NLRC3: variants seen among roughly 807,000 people sequenced by gnomAD.
NLRC3 encodes the protein NLR family CARD domain-containing protein 3.
NLRC3 carries 87 observed loss-of-function variants against 91.6 expected under a neutral mutation model. That is an observed-to-expected ratio of 0.95 (90% CI 0.80 to 1.14). The LOEUF is 1.14. NLRC3 is among the 50% of genes most tolerant of loss of function. The pLI is 0.00. For synonymous variants in NLRC3, 694 were observed against 625.3 expected, an observed-to-expected ratio of 1.11 and a Z score of -1.64; for missense variants, 1,577 against 1,418.6, an observed-to-expected ratio of 1.11 and a Z score of -1.79.
intron 9 of NLRC3, among the ~76,000 whole-genome samples, chr16:3,553,102 G>A (rs1416112630): frequency 6.6e-6 from 1 of 152,142 alleles, no homozygotes; most frequent in African/African-American, 2.4e-5. Flanking sequence ...CCTGTGTGAG[G>A]CTAAATACAA....
chr16:3,556,194 G>T (rs2039311073), intron 8 of NLRC3, among the ~76,000 whole-genome samples: 1 of 150,116 alleles, frequency 6.7e-6, no homozygotes, highest in Non-Finnish European at 1.5e-5. Context: ...AGCCAGGCGT[G>T]GTGGCAGGAG....
chr16:3,542,047 G>T, intron 19 of NLRC3, 132 bp from the exon 20 acceptor site: 1 of 800,894 alleles, frequency 1.2e-6, no homozygotes, highest in Non-Finnish European at 2.1e-6. Context: ...CATGGACAAG[G>T]CTCAGGGTAC....
In NLRC3 at chr16:3,577,365, T is replaced by G. The variant is rs112578542; in HGVS notation, c.-385A>C. The G allele has an allele frequency of 2.3e-3, 1,365 of 583,684 alleles. 26 individuals carry two copies. The highest frequency in any genetic ancestry group is 0.021 in the African/African-American group (1,132 of 52,674). The allele number at this position is 583,684 out of a possible 1,614,324, so 36.2% of individuals were successfully genotyped here. A position where few individuals can be genotyped will look rare whatever the true frequency, so the allele number is the denominator to read the frequency against. ...CGAGAGCAGTGCAGCCCCGACCTTC[T>G]GCAGCCCCACCGAGCCCACCGGCTG... On this transcript the variant is annotated 5_prime_UTR_variant, in exon 1 of 20. Transcript: ENST00000359128.
intron 10 of NLRC3, among the ~76,000 whole-genome samples, chr16:3,550,698 A>G (rs1345188676): frequency 6.6e-6 from 1 of 152,198 alleles, no homozygotes; most frequent in Non-Finnish European, 1.5e-5. Context: ...AAATCAGGAT[A>G]GCAAAGTCCC....
intron 17 of NLRC3, 53 bp downstream of exon 17, chr16:3,543,372 A>AATTCATTTGTCCCCATATCT: frequency 1.6e-6 from 2 of 1,228,862 alleles, no homozygotes; most frequent in East Asian, 4.8e-5. Context: ...ATTCATTGAG[A>AATTCATTTGTCCCCATATCT]ATTCATTGAT....
In NLRC3 at chr16:3,564,561, G is replaced by A. The variant is rs781513926; in HGVS notation, c.376C>T (p.Arg126Trp). 1.3e-5 allele frequency: 21 copies of A among 1,611,818 alleles called. No homozygotes were observed. Among genetic ancestry groups the A allele is most frequent in the Middle Eastern group, 1.7e-4 (1 of 6,058 alleles). ...ACCCGGGAGAGAGGCAGGAAGAGCCGGTCCAGGGCGACGGTCCTGGCGGGG... is the reference window on the plus strand; with the variant it reads ...ACCCGGGAGAGAGGCAGGAAGAGCCAGTCCAGGGCGACGGTCCTGGCGGGG... ...GHPARTVALD[R>W]LFLPLSRVSV... Residue 126 changes from arginine (R) to tryptophan (W), a missense_variant, in exon 5 of 20, where the codon CGG (arginine) becomes TGG (tryptophan). Transcript: ENST00000359128. The surrounding 1 kb of genome is among the most constrained non-coding windows in gnomAD (Gnocchi z 5.9).
In NLRC3 at chr16:3,577,226, A is replaced by T. The variant is rs2040341012; in HGVS notation, c.-246T>A. 1 of 702,734 alleles carries T rather than the reference A, an allele frequency of 1.4e-6. No individual in the cohort carries two copies. The highest frequency in any genetic ancestry group is 2.6e-6 in the Non-Finnish European group (1 of 384,866). The allele number at this position is 702,734 out of a possible 1,614,324, so 43.5% of individuals were successfully genotyped here. ...CGTCCATCTCCATGCTCCTGGGCTC[A>T]GCCCTGCTCCAGCTGCGTGGTGGTA... On this transcript the variant is annotated 5_prime_UTR_variant, in exon 1 of 20. Coordinates refer to ENST00000359128, the MANE Select transcript of NLRC3 (RefSeq NM_178844.4).
chr16:3,568,564 ATAAAAAT>A (rs1314401116), intron 1 of NLRC3, among the ~76,000 whole-genome samples: 1 of 152,194 alleles, frequency 6.6e-6, no homozygotes, highest in Admixed American at 6.5e-5. Flanking sequence ...GCTCTACAAA[ATAAAAAT>A]TAAAAATTAG....
chr16:3,551,172 C>G lies in NLRC3; in HGVS notation c.2352-675G>C, dbSNP rs550551909. ...ACCTATTCTCCACTAATTCATTCAG[C>G]CATGCCTCCATCCACTCATCTACCC... On this transcript the variant is annotated intron_variant, in intron 10 of 19. Transcript: ENST00000359128. Among the ~76,000 whole-genome samples the G allele has an allele frequency of 6.6e-5, 10 of 150,608 alleles. No homozygotes were observed. In the East Asian group the frequency reaches 2.0e-3, roughly 30 times the overall value.
chr16:3,573,664 G>A (rs1273836348), intron 1 of NLRC3, among the ~76,000 whole-genome samples: 2 of 152,186 alleles, frequency 1.3e-5, no homozygotes, highest in East Asian at 1.9e-4. Flanking sequence ...GAGGATGAGA[G>A]GACTGCGTGG....
intron 1 of NLRC3, among the ~76,000 whole-genome samples, chr16:3,571,922 A>G (rs2040111631): frequency 6.6e-6 from 1 of 151,818 alleles, no homozygotes; most frequent in Non-Finnish European, 1.5e-5. Flanking sequence ...CCTGGGTGAC[A>G]GAGCGAGACT....
chr16:3,575,202 A>G (rs1189657924), intron 1 of NLRC3, among the ~76,000 whole-genome samples: 2 of 152,160 alleles, frequency 1.3e-5, no homozygotes, highest in Admixed American at 1.3e-4. Flanking sequence ...GAGGGGGTGC[A>G]GGTGAACCAA....
At chr16:3,561,461 G>T (rs1034634756) in intron 6 of NLRC3, among the ~76,000 whole-genome samples, 15 of 152,194 alleles carry the variant, frequency 9.9e-5, no homozygotes, top group African/African-American at 3.1e-4. Context: ...GGAAACACCT[G>T]CCTGTGCACA....
At chr16:3,550,323 C>A in intron 11 of NLRC3, 91 bp downstream of exon 11, 3 of 800,060 alleles carry the variant, frequency 3.7e-6, no homozygotes, top group Non-Finnish European at 6.4e-6. Flanking sequence ...GGGAAATGGC[C>A]CTGGGGGACA....
chr16:3,560,642 T>C (rs2039565369), intron 6 of NLRC3, among the ~76,000 whole-genome samples: 1 of 152,140 alleles, frequency 6.6e-6, no homozygotes, highest in Admixed American at 6.5e-5. Context: ...AAGGTTTTTT[T>C]GTTTGTTTTG....
chr16:3,573,420 C>G (rs764001858), intron 1 of NLRC3, among the ~76,000 whole-genome samples: 1 of 152,212 alleles, frequency 6.6e-6, no homozygotes, highest in Non-Finnish European at 1.5e-5. Flanking sequence ...GAGCAAGACC[C>G]TGTCTCACAC....
rs1362643563 is a variant in NLRC3, at chr16:3,563,302, C to T, written c.1635G>A (p.Gln545=). 1 of 1,601,166 alleles carries T rather than the reference C, an allele frequency of 6.2e-7. No homozygotes were observed. The highest frequency in any genetic ancestry group is 1.1e-5 in the South Asian group (1 of 89,034). ...AQGEHQAYRT[Q]VAELLQGCLR... ...GGCAGCCCTGCAGGAGCTCAGCCAC[C>T]TGGGTCCGGTAGGCCTGGTGCTCGC... is the stretch of plus-strand genomic sequence containing the variant. Residue 545 remains glutamine, a synonymous_variant, in exon 5 of 20, where the codon CAG becomes CAA. Transcript: ENST00000359128.
At chr16:3,555,623 G>C (rs887095225) in intron 8 of NLRC3, among the ~76,000 whole-genome samples, 7 of 152,126 alleles carry the variant, frequency 4.6e-5, no homozygotes, top group African/African-American at 1.7e-4. Context: ...AGGCTGGAGT[G>C]CAGTGGCGCG....
rs74716057 is a variant in NLRC3, at chr16:3,568,432, T to C, written c.-168-1108A>G. On this transcript the variant is annotated intron_variant, in intron 1 of 19. Transcript: ENST00000359128. Reference sequence around the variant, plus strand: ...TCAAAACCAAGAGGGATAAAAAATATGGGATTTTGGGCTAGGCACAGTGGC... The same window carrying C: ...TCAAAACCAAGAGGGATAAAAAATACGGGATTTTGGGCTAGGCACAGTGGC... Among the ~76,000 whole-genome samples, 1,260 of 152,226 alleles carry C rather than the reference T, an allele frequency of 8.3e-3. 14 individuals are homozygous for C. Among genetic ancestry groups the C allele is most frequent in the Non-Finnish European group, 0.015 (1,016 of 67,994 alleles).
Sources: allele counts gnomAD v4.1 joint callset (sites outside exome capture counted in the v4.1 genomes callset), GRCh38; gene constraint gnomAD v4.1.1; non-coding constraint Gnocchi (gnomAD v3.1); transcripts MANE v1.5; gene names NCBI Gene and HGNC (gene_info 2026-07-23, HGNC 2026-07-21).